SIPA1L1: variants seen among roughly 807,000 people sequenced by gnomAD.
The protein encoded by SIPA1L1 is signal-induced proliferation-associated 1-like protein 1.
SIPA1L1 carries 26 observed loss-of-function variants against 162.7 expected under a neutral mutation model. That is an observed-to-expected ratio of 0.16 (90% CI 0.12 to 0.22). The LOEUF is 0.22. SIPA1L1 is among the 10% of genes least tolerant of loss of function. SIPA1L1 has a pLI of 1.00. For synonymous variants in SIPA1L1, 829 were observed against 837.4 expected, an observed-to-expected ratio of 0.99 and a Z score of 0.17; for missense variants, 1,874 against 2,241.0, an observed-to-expected ratio of 0.84 and a Z score of 3.31.
At chr14:71,589,747 C>G (rs1197664217) in intron 5 of SIPA1L1, among the ~76,000 whole-genome samples, 1 of 152,002 alleles carries the variant, frequency 6.6e-6, no homozygotes, top group Admixed American at 6.6e-5. Context: ...AGTTTTAATG[C>G]TACTTTCATT....
chr14:71,661,159 G>A, intron 9 of SIPA1L1, 151 bp from the exon 10 acceptor site: 1 of 708,764 alleles, frequency 1.4e-6, no homozygotes, highest in Non-Finnish European at 2.3e-6. Flanking sequence ...GAATAAGGCA[G>A]GTGAAAACAT....
At chr14:71,703,027 A>G (rs1380338333) in intron 15 of SIPA1L1, among the ~76,000 whole-genome samples, 1 of 152,182 alleles carries the variant, frequency 6.6e-6, no homozygotes, top group African/African-American at 2.4e-5. Context: ...AGCTGGGTGG[A>G]AGAGATTTGC....
intron 2 of SIPA1L1, among the ~76,000 whole-genome samples, chr14:71,403,796 T>G (rs1023972374): frequency 6.6e-6 from 1 of 152,128 alleles, no homozygotes; most frequent in African/African-American, 2.4e-5. Flanking sequence ...AAGCCAGCTG[T>G]GCAGCTTGTC....
intron 7 of SIPA1L1, among the ~76,000 whole-genome samples, chr14:71,625,513 A>G (rs1317990989): frequency 6.6e-6 from 1 of 152,222 alleles, no homozygotes; most frequent in East Asian, 1.9e-4. Flanking sequence ...TTCACTTTTC[A>G]TAATGCACAG....
At chr14:71,454,335 A>G (rs539100090) in intron 2 of SIPA1L1, among the ~76,000 whole-genome samples, 7 of 152,322 alleles carry the variant, frequency 4.6e-5, no homozygotes, top group East Asian at 1.9e-4. Flanking sequence ...TTTAAATTGA[A>G]CAACTCTCTG....
chr14:71,593,173 A>G (rs1489824504), intron 5 of SIPA1L1, among the ~76,000 whole-genome samples: 2 of 150,592 alleles, frequency 1.3e-5, no homozygotes, highest in African/African-American at 4.9e-5. Flanking sequence ...TCCTTTGAGT[A>G]TGTATGTGTT....
Position 71,705,264 on chromosome 14 carries a change from C to G in SIPA1L1, c.3689C>G (p.Ala1230Gly). Residue 1230 changes from alanine (A) to glycine (G), a missense_variant, in exon 16 of 24, where the codon GCT (alanine) becomes GGT (glycine). Around this residue, in one of 5 missense-constraint regions of SIPA1L1, gnomAD observed 936 missense variants for 1,051.9 expected, o/e 0.89. Transcript: ENST00000381232. ...HLPAVSKVLP[A>G]FRESPSGRLM... ...CCAGCAGTATCAAAGGTACTGCCAGCTTTCCGAGAGAGCCCCAGTGGGAGA... is the reference window on the plus strand; with the variant it reads ...CCAGCAGTATCAAAGGTACTGCCAGGTTTCCGAGAGAGCCCCAGTGGGAGA... The G allele has an allele frequency of 3.1e-6, 5 of 1,614,200 alleles. No individual in the cohort carries two copies. The South Asian group carries it at 5.5e-5, about 18-fold the overall frequency.
At chr14:71,599,460 C>CTTTT (rs111750084) in intron 5 of SIPA1L1, among the ~76,000 whole-genome samples, 2 of 130,310 alleles carry the variant, frequency 1.5e-5, no homozygotes, top group Non-Finnish European at 3.2e-5. Context: ...CGATTTCATT[C>CTTTT]TTTTTTTTTT....
At chr14:71,662,130 G>A (rs2043582384) in intron 10 of SIPA1L1, among the ~76,000 whole-genome samples, 1 of 152,192 alleles carries the variant, frequency 6.6e-6, no homozygotes, top group Non-Finnish European at 1.5e-5. Context: ...TTTGTAAGAT[G>A]TTTTTAATGT....
chr14:71,638,634 T>A (rs547252119), intron 7 of SIPA1L1, among the ~76,000 whole-genome samples: 32 of 152,294 alleles, frequency 2.1e-4, no homozygotes, highest in African/African-American at 3.1e-4. Context: ...CTATTCAACA[T>A]AGTACAAGAA....
intron 2 of SIPA1L1, among the ~76,000 whole-genome samples, chr14:71,388,553 T>G (rs1302461970): frequency 6.6e-6 from 1 of 152,260 alleles, no homozygotes; most frequent in African/African-American, 2.4e-5. Context: ...AATTCCAGAC[T>G]CTAGAGGCAC....
At chr14:71,705,421 C>G (rs1042229243) in intron 16 of SIPA1L1, 81 bp downstream of exon 16, 2 of 1,028,312 alleles carry the variant, frequency 1.9e-6, no homozygotes, top group African/African-American at 1.6e-5. Context: ...TCTGCTCTTT[C>G]CTCTGCATGG....
intron 21 of SIPA1L1, among the ~76,000 whole-genome samples, chr14:71,734,485 A>G (rs1018436698): frequency 1.3e-5 from 2 of 152,160 alleles, no homozygotes; most frequent in Non-Finnish European, 2.9e-5. Context: ...AATTTTTATT[A>G]TTCTTTACAA....
At chr14:71,619,257 A>G (rs151300133) in intron 6 of SIPA1L1, among the ~76,000 whole-genome samples, 32 of 152,282 alleles carry the variant, frequency 2.1e-4, no homozygotes, top group Non-Finnish European at 7.4e-5. Flanking sequence ...TAGATATAAG[A>G]GAAGGCCACT....
chr14:71,693,797 G>T (rs914268244), intron 13 of SIPA1L1, among the ~76,000 whole-genome samples: 1 of 150,434 alleles, frequency 6.6e-6, no homozygotes, highest in African/African-American at 2.5e-5. Flanking sequence ...ACTTTAACTT[G>T]GTCCTGTTCC....
rs995167914 is a variant in SIPA1L1, at chr14:71,377,117, AGG to A, written c.-465+55939_-465+55940del. Among the ~76,000 whole-genome samples, 2 of 150,356 alleles carry A rather than the reference AGG, an allele frequency of 1.3e-5. No homozygotes were observed. The highest frequency in any genetic ancestry group is 1.3e-4 in the Admixed American group (2 of 15,184). Reference sequence around the variant, plus strand: ...CTTTCCAGATGTGGCGGCCGGGCAGAGGGGCCCCCCCACCCCCCAGATGGGGC... The same window carrying A: ...CTTTCCAGATGTGGCGGCCGGGCAGAGGCCCCCCCACCCCCCAGATGGGGC... On this transcript the variant is annotated intron_variant, in intron 2 of 23. Transcript: ENST00000381232. The surrounding 1 kb of genome is among the most constrained non-coding windows in gnomAD (Gnocchi z 4.8).
intron 2 of SIPA1L1, among the ~76,000 whole-genome samples, chr14:71,490,828 AAAGT>A (rs2049182730): frequency 6.6e-6 from 1 of 152,260 alleles, no homozygotes; most frequent in Non-Finnish European, 1.5e-5. Flanking sequence ...GAATCTATAA[AAAGT>A]AGAATTTCTT....
Position 71,701,383 on chromosome 14 carries a change from AT to A in SIPA1L1, c.3522-981del, listed in dbSNP as rs376868927. Among the ~76,000 whole-genome samples the A allele has an allele frequency of 4.4e-3, 619 of 141,028 alleles. 4 individuals carry two copies. Among genetic ancestry groups the A allele is most frequent in the African/African-American group, 9.9e-3 (384 of 38,646 alleles). 92.5% of individuals were successfully genotyped at this position (141,028 alleles called of 152,430 possible). The stretch of plus-strand genomic sequence containing the variant: ...CTGTAGTGGCCACCACACCAGGCTA[AT>A]TTTTTTTTTTTTTTTTGTGGAGCCT... On this transcript the variant is annotated intron_variant, in intron 14 of 23. Transcript: ENST00000381232.
At chr14:71,622,441 A>G (rs2039547886) in intron 6 of SIPA1L1, among the ~76,000 whole-genome samples, 1 of 152,158 alleles carries the variant, frequency 6.6e-6, no homozygotes, top group African/African-American at 2.4e-5. Flanking sequence ...TTTGGCTTTC[A>G]TGAGTTAGCT....
Sources: allele counts gnomAD v4.1 joint callset (sites outside exome capture counted in the v4.1 genomes callset), GRCh38; gene constraint gnomAD v4.1.1; regional missense constraint gnomAD v4.1.1; non-coding constraint Gnocchi (gnomAD v3.1); transcripts MANE v1.5; gene names NCBI Gene and HGNC (gene_info 2026-07-23, HGNC 2026-07-21).